Variants in EBAG9 observed in about 807,000 individuals in gnomAD.
EBAG9 encodes receptor-binding cancer antigen expressed on SiSo cells.
In EBAG9, 16 loss-of-function variants were observed where a neutral mutation model predicts 30.9. That is an observed-to-expected ratio of 0.52 (90% CI 0.35 to 0.79). EBAG9 has a LOEUF of 0.79. Among genes scored for constraint, EBAG9 ranks in the 30% least tolerant of loss-of-function variants. EBAG9 has a pLI of 0.01. For missense variants in EBAG9, 197 were observed against 242.1 expected (o/e 0.81, Z 1.24); for synonymous variants, 93 against 82.8 (o/e 1.12, Z -0.67).
chr8:109,542,603 T>G (rs1294898387), intron 1 of EBAG9, among the ~76,000 whole-genome samples: 1 of 152,210 alleles, frequency 6.6e-6, no homozygotes, highest in African/African-American at 2.4e-5. Context: ...TTCAGAAAAT[T>G]TAGGCTAATT....
At chr8:109,545,637 A>G (rs886170804) in intron 1 of EBAG9, among the ~76,000 whole-genome samples, 1 of 152,136 alleles carries the variant, frequency 6.6e-6, no homozygotes, top group African/African-American at 2.4e-5. Context: ...CGCTGGGACT[A>G]CAGACGTGAG....
chr8:109,565,895 T>G lies in EBAG9; in HGVS notation c.*1336T>G, dbSNP rs1300729499. 2.0e-5 allele frequency: 3 copies of G among 152,148 alleles called. No individual in the cohort carries two copies. The highest frequency in any genetic ancestry group is 4.4e-5 in the Non-Finnish European group (3 of 67,968). The allele number at this position is 152,148 out of a possible 1,614,324, so 9.4% of individuals were successfully genotyped here. ...GACTAAATGTGATTATAGAATAAGA[T>G]GAAAGTTAACTTTGGTACAGAGCTT... On this transcript the variant is annotated 3_prime_UTR_variant, in exon 7 of 7. Coordinates refer to ENST00000337573, the MANE Select transcript of EBAG9 (RefSeq NM_004215.5).
At chr8:109,563,908 A>C (rs1462495393) in intron 6 of EBAG9, among the ~76,000 whole-genome samples, 1 of 151,998 alleles carries the variant, frequency 6.6e-6, no homozygotes, top group Admixed American at 6.6e-5. Context: ...CCTGAAATTT[A>C]CTTGGTGGAA....
intron 4 of EBAG9, among the ~76,000 whole-genome samples, chr8:109,555,477 C>A: frequency 6.6e-6 from 1 of 151,878 alleles, no homozygotes; most frequent in Middle Eastern, 3.4e-3. Context: ...TAAGTTGTAC[C>A]CCAAGTCTTT....
chr8:109,540,836 T>G (rs1254095880), intron 1 of EBAG9: 2 of 152,250 alleles, frequency 1.3e-5, no homozygotes, highest in African/African-American at 4.8e-5. Context: ...GGTTTTCAAA[T>G]TTTGGTATGA....
chr8:109,563,494 G>A (rs1821749136), intron 6 of EBAG9: 1 of 1,597,338 alleles, frequency 6.3e-7, no homozygotes, highest in Non-Finnish European at 8.5e-7. Context: ...GATAGAGAGA[G>A]TGAGTCTGGG....
intron 1 of EBAG9, among the ~76,000 whole-genome samples, chr8:109,543,006 A>G (rs767558384): frequency 5.9e-5 from 9 of 152,088 alleles, no homozygotes; most frequent in Non-Finnish European, 1.0e-4. Flanking sequence ...CTTTTTGGCA[A>G]TTAGGTGTAA....
chr8:109,562,617 C>T (rs1821732780), intron 6 of EBAG9, among the ~76,000 whole-genome samples: 1 of 151,770 alleles, frequency 6.6e-6, no homozygotes, highest in South Asian at 2.1e-4. Context: ...TAATAATTCC[C>T]AGCATGAATC....
intron 5 of EBAG9, chr8:109,557,709 A>G (rs1007466474): frequency 4.4e-6 from 2 of 455,828 alleles, no homozygotes; most frequent in Non-Finnish European, 8.8e-6. Context: ...GTTCTAACTC[A>G]GAATTTCTCA....
At position 109,560,852 on chromosome 8, in the gene EBAG9, C is replaced by T. The variant is rs775204281; in HGVS notation, c.444C>T (p.Asp148=). The T allele has an allele frequency of 1.9e-6, 3 of 1,612,336 alleles. No individual in the cohort carries two copies. Among genetic ancestry groups the T allele is most frequent in the Admixed American group, 1.7e-5 (1 of 59,882 alleles). The change falls in exon 6 of 7, where the codon GAC becomes GAT. Residue 148 remains aspartate, a synonymous_variant. Transcript: ENST00000337573. Reference sequence around the variant, plus strand: ...TTTCATTGTAGTCTGAATTAGGTGACTTAGATACCTGGCAGGAAAATACCA... The same window carrying T: ...TTTCATTGTAGTCTGAATTAGGTGATTTAGATACCTGGCAGGAAAATACCA... ...PFIHQSSELG[D]LDTWQENTNA... is the part of the protein sequence containing the mutation.
intron 1 of EBAG9, among the ~76,000 whole-genome samples, chr8:109,542,935 C>T (rs775572363): frequency 3.3e-5 from 5 of 151,864 alleles, no homozygotes; most frequent in African/African-American, 4.8e-5. Context: ...AAGGCTTATG[C>T]TAGATAGATT....
At chr8:109,542,855 ATGT>A (rs1029023042) in intron 1 of EBAG9, among the ~76,000 whole-genome samples, 3 of 152,190 alleles carry the variant, frequency 2.0e-5, no homozygotes, top group Admixed American at 1.3e-4. Context: ...AAAATAAAAA[ATGT>A]TGTTTCTTGG....
chr8:109,542,658 CA>C (rs1467415587), intron 1 of EBAG9, among the ~76,000 whole-genome samples: 1 of 152,026 alleles, frequency 6.6e-6, no homozygotes, highest in African/African-American at 2.4e-5. Context: ...TTGTTCTTGA[CA>C]AATCAGCTTT....
rs140265591 is a variant in EBAG9 at position 109,564,930 on chromosome 8, A to T, written c.*371A>T. 0.01 allele frequency: 1,580 copies of T among 154,536 alleles called. 15 individuals are homozygous for T. Among genetic ancestry groups the T allele is most frequent in the South Asian group, 0.027 (133 of 4,858 alleles). 9.6% of individuals were successfully genotyped at this position (154,536 alleles called of 1,614,324 possible). Reference sequence around the variant, plus strand: ...GTACTGTCTGTTATGATTTCCTTCAATGTGCATAATGATAAAATAAATAAT... The same window carrying T: ...GTACTGTCTGTTATGATTTCCTTCATTGTGCATAATGATAAAATAAATAAT... On this transcript the variant is annotated 3_prime_UTR_variant, in exon 7 of 7. Transcript: ENST00000337573.
Position 109,564,440 on chromosome 8 carries a change from C to T in EBAG9, c.523C>T (p.Gln175Ter). 1 of 1,611,134 alleles carries T rather than the reference C, an allele frequency of 6.2e-7. No individual in the cohort carries two copies. Among genetic ancestry groups the T allele is most frequent in the Non-Finnish European group, 8.5e-7 (1 of 1,178,460 alleles). ...AAGTAAAAGTATGTTTCTTTTCAGACAGCAGAAACTAGCAGACAGAGAAAA... is the reference window on the plus strand; with the variant it reads ...AAGTAAAAGTATGTTTCTTTTCAGATAGCAGAAACTAGCAGACAGAGAAAA... ...AAWQAEEVLR[Q>*]QKLADREKRA... The change falls in exon 7 of 7, where the codon CAG becomes TAG. Residue 175 changes from glutamine (Q) to a stop codon, truncating the protein, a stop_gained and splice_region_variant. Transcript: ENST00000337573. LOFTEE classifies it high-confidence loss of function.
intron 1 of EBAG9, among the ~76,000 whole-genome samples, chr8:109,546,714 C>T (rs1003257605): frequency 1.3e-5 from 2 of 151,758 alleles, no homozygotes; most frequent in Non-Finnish European, 2.9e-5. Context: ...CCAGTGTGGC[C>T]CAGGGAAGCC....
rs918348537 is a variant in EBAG9 at position 109,548,893 on chromosome 8, T to TC, written c.-15-1917_-15-1916insC. ...TTCTATTTTTTTCTTTTTTCTTTTT[T>TC]TTTTTTTTTTTGCTGGATTGCATTG... On this transcript the variant is annotated intron_variant, in intron 1 of 6. Transcript: ENST00000337573. Among the ~76,000 whole-genome samples, 10 of 149,452 alleles carry TC rather than the reference T, an allele frequency of 6.7e-5. 1 individual carries two copies. Among genetic ancestry groups the TC allele is most frequent in the African/African-American group, 2.4e-4 (10 of 40,978 alleles).
rs1411816147 is a variant in EBAG9 at position 109,540,405 on chromosome 8, C to T, written c.-72C>T. On this transcript the variant is annotated 5_prime_UTR_variant, in exon 1 of 7. Coordinates refer to ENST00000337573, the MANE Select transcript of EBAG9 (RefSeq NM_004215.5). ...AGAGCGTTTCACGTCACGCCGGGCG[C>T]CAGGCGTCGGCTTGTATAACCTGAA... The T allele has an allele frequency of 6.6e-6, 1 of 152,256 alleles. No individual in the cohort carries two copies. The highest frequency in any genetic ancestry group is 1.5e-5 in the Non-Finnish European group (1 of 68,062). The allele number at this position is 152,256 out of a possible 1,614,324, so 9.4% of individuals were successfully genotyped here.
rs1343660720 is a variant in EBAG9, at chr8:109,540,480, CA to C, written c.-16+21del. 1 of 151,946 alleles carries C rather than the reference CA, an allele frequency of 6.6e-6. No individual in the cohort carries two copies. The highest frequency in any genetic ancestry group is 1.5e-5 in the Non-Finnish European group (1 of 67,962). The allele number at this position is 151,946 out of a possible 1,614,324, so 9.4% of individuals were successfully genotyped here. ...GCAGTGGGTATGATTTTTTTTTCAT[CA>C]ACAAATTTCACGTGGGTAATCTGAA... On this transcript the variant is annotated intron_variant, in intron 1 of 6. Transcript: ENST00000337573.
Sources: gnomAD v4.1 joint callset for allele counts (sites outside exome capture counted in the v4.1 genomes callset) on GRCh38, gnomAD v4.1.1 for gene constraint, MANE v1.5 for transcripts, NCBI Gene and HGNC (gene_info 2026-07-23, HGNC 2026-07-21) for gene names.